MAD1L1: variants seen among roughly 807,000 people sequenced by gnomAD.
The protein encoded by MAD1L1 is mitotic spindle assembly checkpoint protein MAD1.
A neutral mutation model predicts 96.9 loss-of-function variants in MAD1L1; 95 were observed. That is an observed-to-expected ratio of 0.98 (90% CI 0.83 to 1.16). The LOEUF (loss-of-function observed/expected upper bound fraction) is 1.16, where lower values mean the gene tolerates loss of function less well. Ranked by LOEUF, MAD1L1 falls within the 50% of genes most tolerant of loss-of-function variation. The pLI is 0.00. For synonymous variants in MAD1L1, 473 were observed against 396.6 expected (o/e 1.19, Z -2.29); for missense variants, 1,007 against 954.4 (o/e 1.06, Z -0.73).
Position 2,174,239 on chromosome 7 carries a change from C to T in MAD1L1, c.987-25001G>A, listed in dbSNP as rs938829722. Among the ~76,000 whole-genome samples the T allele has an allele frequency of 1.1e-4, 16 of 152,360 alleles. No homozygotes were observed. The East Asian group carries it at 2.7e-3, about 26-fold the overall frequency. Reference sequence around the variant, plus strand: ...AAGGCTGAAAATTATTTTCCTGCAACTCTAGACCACATTGCTTTACTGTGC... The same window carrying T: ...AAGGCTGAAAATTATTTTCCTGCAATTCTAGACCACATTGCTTTACTGTGC... On this transcript the variant is annotated intron_variant, in intron 10 of 18. Transcript: ENST00000265854.
intron 12 of MAD1L1, among the ~76,000 whole-genome samples, chr7:2,068,507 T>TAG (rs1784982701): frequency 6.6e-6 from 1 of 152,162 alleles, no homozygotes; most frequent in South Asian, 2.1e-4. Context: ...GGCACAGCCC[T>TAG]CCGCCCACTC....
intron 18 of MAD1L1, chr7:1,846,966 G>A (rs963659097): frequency 2.5e-5 from 8 of 320,328 alleles, no homozygotes; most frequent in South Asian, 1.0e-4. Context: ...TGGGACGGTC[G>A]CCTCCTGCTG....
At chr7:1,849,475 A>C (rs984461226) in intron 18 of MAD1L1, 2 of 152,262 alleles carry the variant, frequency 1.3e-5, no homozygotes, top group Admixed American at 1.3e-4. Context: ...CTCCCCGTCG[A>C]GACAGTGGCA....
chr7:2,211,560 C>A (rs1181697816), intron 10 of MAD1L1, among the ~76,000 whole-genome samples: 1 of 152,238 alleles, frequency 6.6e-6, no homozygotes, highest in African/African-American at 2.4e-5. Flanking sequence ...GGTTTCTCAT[C>A]TGGCCAGAGT....
chr7:1,947,537 C>T (rs184076387), intron 16 of MAD1L1, among the ~76,000 whole-genome samples: 17 of 152,322 alleles, frequency 1.1e-4, no homozygotes, highest in Non-Finnish European at 2.9e-5. Context: ...AGAACCAGGC[C>T]CACCAAGAGG....
intron 10 of MAD1L1, among the ~76,000 whole-genome samples, chr7:2,210,506 CCG>C (rs2114981095): frequency 1.1e-5 from 1 of 88,800 alleles, no homozygotes; most frequent in Non-Finnish European, 2.9e-5. Context: ...TCTCTAGGAG[CCG>C]TATTCGGGAC....
chr7:2,108,674 G>C (rs1404693732), intron 11 of MAD1L1, among the ~76,000 whole-genome samples: 1 of 152,198 alleles, frequency 6.6e-6, no homozygotes, highest in Non-Finnish European at 1.5e-5. Context: ...AGGGAGCCAG[G>C]GGTTGGCAGA....
Position 2,120,759 on chromosome 7 carries a change from GGACAGGA to G in MAD1L1, c.1073+28386_1073+28392del, listed in dbSNP as rs201704682. Among the ~76,000 whole-genome samples the G allele has an allele frequency of 5.3e-3, 808 of 152,356 alleles. 3 individuals are homozygous for G. The highest frequency in any genetic ancestry group is 7.3e-3 in the Non-Finnish European group (494 of 68,028). ...TATGCCAAGAAAGACAGGGGGTGCG[GGACAGGA>G]GGCGGGAGGCAGCCTGCGAGCCCCC... is the stretch of plus-strand genomic sequence containing the variant. On this transcript the variant is annotated intron_variant, in intron 11 of 18. Transcript: ENST00000265854.
At chr7:2,127,005 G>A (rs972068735) in intron 11 of MAD1L1, among the ~76,000 whole-genome samples, 1 of 152,244 alleles carries the variant, frequency 6.6e-6, no homozygotes, top group Non-Finnish European at 1.5e-5. Flanking sequence ...TGTGAGTTCA[G>A]TCACGAAGCA....
intron 12 of MAD1L1, among the ~76,000 whole-genome samples, chr7:2,067,852 G>C (rs767468066): frequency 6.6e-6 from 1 of 151,864 alleles, no homozygotes; most frequent in Non-Finnish European, 1.5e-5. Context: ...GTCCACCTCT[G>C]TTGAGGTGCG....
chr7:1,842,651 G>C (rs186654268), intron 18 of MAD1L1, among the ~76,000 whole-genome samples: 80 of 152,354 alleles, frequency 5.3e-4, no homozygotes, highest in Middle Eastern at 3.4e-3. Context: ...TTCGTCCTTC[G>C]TCCATCGCTG....
At chr7:2,187,041 C>A (rs1442244748) in intron 10 of MAD1L1, among the ~76,000 whole-genome samples, 2 of 152,120 alleles carry the variant, frequency 1.3e-5, no homozygotes, top group Non-Finnish European at 2.9e-5. Context: ...GATCTGCCCA[C>A]CTTGGCCTCC....
chr7:1,861,978 T>A (rs1784555296), intron 18 of MAD1L1, among the ~76,000 whole-genome samples: 1 of 152,136 alleles, frequency 6.6e-6, no homozygotes, highest in Admixed American at 6.5e-5. Context: ...GGGTGTGCCC[T>A]CAGCCTCAGA....
chr7:1,946,100 C>T (rs557518071), intron 16 of MAD1L1, among the ~76,000 whole-genome samples: 1 of 152,320 alleles, frequency 6.6e-6, no homozygotes, highest in African/African-American at 2.4e-5. Flanking sequence ...GTGGGGTGGG[C>T]TCTGCAGCCC....
chr7:2,076,499 C>T (rs1231277285), intron 11 of MAD1L1, among the ~76,000 whole-genome samples: 1 of 152,214 alleles, frequency 6.6e-6, no homozygotes, highest in Non-Finnish European at 1.5e-5. Context: ...TTCAGATCCC[C>T]GACTATGGTA....
intron 18 of MAD1L1, among the ~76,000 whole-genome samples, chr7:1,832,551 T>C (rs185491090): frequency 0.12 from 15,963 of 129,564 alleles, 1,147 homozygotes; most frequent in Middle Eastern, 0.22. Context: ...TTAGAGAGCA[T>C]TGCATGCTAC....
At chr7:2,220,488 T>C (rs937532226) in intron 5 of MAD1L1, among the ~76,000 whole-genome samples, 3 of 152,214 alleles carry the variant, frequency 2.0e-5, no homozygotes, top group Non-Finnish European at 4.4e-5. Context: ...GAAGCATCAC[T>C]GTAAGTTAAC....
chr7:2,099,308 G>A (rs1786659031), intron 11 of MAD1L1, among the ~76,000 whole-genome samples: 1 of 152,238 alleles, frequency 6.6e-6, no homozygotes, highest in African/African-American at 2.4e-5. Context: ...GGAGGGTGCA[G>A]GTCAGGTGCT....
At chr7:2,104,909 C>T (rs1787009849) in intron 11 of MAD1L1, among the ~76,000 whole-genome samples, 1 of 152,194 alleles carries the variant, frequency 6.6e-6, no homozygotes, top group South Asian at 2.1e-4. Flanking sequence ...CCCCGCAAGC[C>T]CTGGGGACTC....
Sources: gnomAD v4.1 joint callset for allele counts (sites outside exome capture counted in the v4.1 genomes callset) on GRCh38, gnomAD v4.1.1 for gene constraint, MANE v1.5 for transcripts, NCBI Gene and HGNC (gene_info 2026-07-23, HGNC 2026-07-21) for gene names.